The following EPYC variants were observed in gnomAD, a reference collection of about 807,000 sequenced individuals.
EPYC encodes the protein dermatan sulfate proteoglycan 3.
Under a neutral mutation model 30.1 loss-of-function variants are expected in EPYC, and 28 were observed. The observed-to-expected ratio is 0.93, with a 90% CI of 0.69 to 1.28. EPYC has a LOEUF of 1.28. Ranked by LOEUF, EPYC falls within the 50% of genes most tolerant of loss-of-function variation. The probability of loss-of-function intolerance (pLI) is 0.00; values close to 1 mark genes in which losing one functional copy is unlikely to be tolerated. For missense variants in EPYC, 382 were observed against 383.5 expected (o/e 1.00, Z 0.03); for synonymous variants, 144 against 141.4 (o/e 1.02, Z -0.13).
chr12:90,970,211 T>C, intron 5 of EPYC, 72 bp from the exon 6 acceptor site: 1 of 1,084,352 alleles, frequency 9.2e-7, no homozygotes, highest in Middle Eastern at 2.0e-4. Flanking sequence ...AAAACACAGC[T>C]GTATTTCCCA....
At chr12:90,995,913 G>C (rs1426940896) in intron 2 of EPYC, among the ~76,000 whole-genome samples, 1 of 151,846 alleles carries the variant, frequency 6.6e-6, no homozygotes, top group Non-Finnish European at 1.5e-5. Flanking sequence ...TTAGTAAAGA[G>C]AGAGATTAGC....
At position 90,982,267 on chromosome 12, in the gene EPYC, G is replaced by A. The variant is rs11105902; in HGVS notation, c.166-4005C>T. Among the ~76,000 whole-genome samples the A allele has an allele frequency of 8.1e-3, 1,233 of 151,628 alleles. 16 individuals carry two copies. The highest frequency in any genetic ancestry group is 0.028 in the African/African-American group (1,148 of 41,298). On this transcript the variant is annotated intron_variant, in intron 2 of 6. Coordinates refer to ENST00000261172, the MANE Select transcript of EPYC (RefSeq NM_004950.5). Reference sequence around the variant, plus strand: ...CCTCTAGTGTAGATGTAGTAAGAATGGAATCTTTTAAAAACAGCTTTATGG... The same window carrying A: ...CCTCTAGTGTAGATGTAGTAAGAATAGAATCTTTTAAAAACAGCTTTATGG...
At chr12:90,976,315 T>C (rs1201311766) in intron 3 of EPYC, among the ~76,000 whole-genome samples, 1 of 152,144 alleles carries the variant, frequency 6.6e-6, no homozygotes, top group Non-Finnish European at 1.5e-5. Context: ...AAAAAATGCA[T>C]GAACTCCTTT....
rs66600255 is a variant in EPYC at position 90,978,265 on chromosome 12, G to GAAAAA, written c.166-8_166-4dup. 5 of 1,357,552 alleles carry GAAAAA rather than the reference G, an allele frequency of 3.7e-6. No individual in the cohort carries two copies. The highest frequency in any genetic ancestry group is 5.5e-5 in the East Asian group (2 of 36,158). The allele number at this position is 1,357,552 out of a possible 1,614,324, so 84.1% of individuals were successfully genotyped here. A position where few individuals can be genotyped will look rare whatever the true frequency, so the allele number is the denominator to read the frequency against. On this transcript the variant is annotated splice_polypyrimidine_tract_variant and splice_region_variant and intron_variant, in intron 2 of 6. Coordinates refer to ENST00000261172, the MANE Select transcript of EPYC (RefSeq NM_004950.5). ...GGCATCACTGTGGCTATTTCAATCT[G>GAAAAA]AAAAAAAAAAAAAAAAGAGAATTTC...
At chr12:90,974,296 G>A (rs1877130614) in intron 3 of EPYC, among the ~76,000 whole-genome samples, 1 of 152,042 alleles carries the variant, frequency 6.6e-6, no homozygotes. Flanking sequence ...AATGTTCTTG[G>A]ATTAGTTATT....
intron 2 of EPYC, among the ~76,000 whole-genome samples, chr12:90,993,406 A>G (rs1877630258): frequency 1.3e-5 from 2 of 152,142 alleles, no homozygotes; most frequent in Non-Finnish European, 2.9e-5. Context: ...TCAACATAAA[A>G]TAGAACATTT....
At chr12:90,972,030 T>A in intron 4 of EPYC, 28 bp from the exon 5 acceptor site, 1 of 1,312,682 alleles carries the variant, frequency 7.6e-7, no homozygotes, top group Non-Finnish European at 1.0e-6. Context: ...AGGAAGTAAT[T>A]AAATATTCTT....
At chr12:90,999,483 A>G (rs1383861471) in intron 2 of EPYC, among the ~76,000 whole-genome samples, 1 of 152,200 alleles carries the variant, frequency 6.6e-6, no homozygotes, top group South Asian at 2.1e-4. Flanking sequence ...ACACACACAT[A>G]GGAGATTTAA....
chr12:91,001,180 A>G (rs1877813750), intron 2 of EPYC, among the ~76,000 whole-genome samples: 2 of 152,036 alleles, frequency 1.3e-5, no homozygotes, highest in African/African-American at 4.8e-5. Context: ...GATTTTTAAA[A>G]TCTATCACAT....
chr12:90,979,836 A>G (rs560916849), intron 2 of EPYC, among the ~76,000 whole-genome samples: 1 of 152,308 alleles, frequency 6.6e-6, no homozygotes, highest in African/African-American at 2.4e-5. Flanking sequence ...TGTCCAAAAT[A>G]TATCTAAGTC....
intron 6 of EPYC, among the ~76,000 whole-genome samples, chr12:90,966,182 G>A (rs1401440683): frequency 1.3e-5 from 2 of 151,966 alleles, no homozygotes; most frequent in African/African-American, 2.4e-5. Flanking sequence ...ATACTGAATA[G>A]AAGTGGTGAG....
chr12:90,973,009 T>A, intron 3 of EPYC, 29 bp from the exon 4 acceptor site: 1 of 1,460,122 alleles, frequency 6.8e-7, no homozygotes, highest in Non-Finnish European at 9.4e-7. Flanking sequence ...TAAAATTAAA[T>A]GTAAGTACCA....
intron 2 of EPYC, among the ~76,000 whole-genome samples, chr12:91,001,606 A>G (rs1375814310): frequency 1.3e-5 from 2 of 152,084 alleles, no homozygotes; most frequent in East Asian, 1.9e-4. Context: ...CAATTTCTAC[A>G]TTACTGCCGG....
chr12:90,997,758 C>T (rs1877727881), intron 2 of EPYC, among the ~76,000 whole-genome samples: 1 of 152,002 alleles, frequency 6.6e-6, no homozygotes, highest in Non-Finnish European at 1.5e-5. Context: ...TAGTCTTATG[C>T]CATTCTTTCT....
chr12:90,978,006 G>A (rs1321099481), intron 3 of EPYC, 82 bp downstream of exon 3: 8 of 1,287,674 alleles, frequency 6.2e-6, no homozygotes, highest in Non-Finnish European at 8.3e-6. Context: ...CATGTCATGT[G>A]GTTTCCCTGT....
chr12:90,970,223 TC>T, intron 5 of EPYC, 84 bp from the exon 6 acceptor site: 1 of 922,946 alleles, frequency 1.1e-6, no homozygotes, highest in South Asian at 1.5e-5. Context: ...TATTTCCCAT[TC>T]CCTCTACATG....
intron 2 of EPYC, among the ~76,000 whole-genome samples, chr12:90,984,821 C>G (rs1202940826): frequency 3.3e-5 from 5 of 151,974 alleles, no homozygotes; most frequent in African/African-American, 1.2e-4. Flanking sequence ...CCCGGGCTAT[C>G]GGTTATGTTC....
At chr12:90,983,275 T>A (rs1268504302) in intron 2 of EPYC, among the ~76,000 whole-genome samples, 3 of 152,184 alleles carry the variant, frequency 2.0e-5, no homozygotes, top group Non-Finnish European at 4.4e-5. Flanking sequence ...ATAAGTTATC[T>A]ACAGTTGTAA....
Position 90,963,972 on chromosome 12 carries a change from C to T in EPYC, c.*184G>A. ...TTTTGTAAATGTTATAGGTTTATTCCTAACTCATCTGGTGTTTTCTTAAAT... is the reference window on the plus strand; with the variant it reads ...TTTTGTAAATGTTATAGGTTTATTCTTAACTCATCTGGTGTTTTCTTAAAT... On this transcript the variant is annotated 3_prime_UTR_variant, in exon 7 of 7. Coordinates refer to ENST00000261172, the MANE Select transcript of EPYC (RefSeq NM_004950.5). 1 of 466,714 alleles carries T rather than the reference C, an allele frequency of 2.1e-6. No individual in the cohort carries two copies. The highest frequency in any genetic ancestry group is 3.8e-6 in the Non-Finnish European group (1 of 265,558). The allele number at this position is 466,714 out of a possible 1,614,324, so 28.9% of individuals were successfully genotyped here.
Sources: allele counts gnomAD v4.1 joint callset (sites outside exome capture counted in the v4.1 genomes callset), GRCh38; gene constraint gnomAD v4.1.1; transcripts MANE v1.5; gene names NCBI Gene and HGNC (gene_info 2026-07-23, HGNC 2026-07-21).